RPS17: variants seen among roughly 807,000 people sequenced by gnomAD.
RPS17 encodes ribosomal protein S17.
For synonymous variants in RPS17, 75 were observed against 65.6 expected (o/e 1.14, Z -0.70); for missense variants, 68 against 182.3 (o/e 0.37, Z 3.61).
chr15:82,540,369 G>A (rs2150889055), intron 1 of RPS17, 57 bp downstream of exon 1: 3 of 1,588,014 alleles, frequency 1.9e-6, no homozygotes, highest in South Asian at 2.3e-5. Flanking sequence ...AGGACCGCGG[G>A]AAGCTGCAGA....
chr15:82,539,869 G>A, intron 2 of RPS17, 112 bp downstream of exon 2: 2 of 1,535,462 alleles, frequency 1.3e-6, no homozygotes, highest in Non-Finnish European at 9.0e-7. Context: ...CGGGACACCA[G>A]GGAGTCTCAG....
intron 4 of RPS17, 67 bp downstream of exon 4, chr15:82,538,239 G>T: frequency 6.4e-7 from 1 of 1,571,356 alleles, no homozygotes; most frequent in Non-Finnish European, 8.8e-7. Flanking sequence ...GGTGACCTTG[G>T]ATAATAAGAC....
intron 4 of RPS17, chr15:82,537,120 T>C: frequency 1.7e-6 from 1 of 604,576 alleles, no homozygotes; most frequent in South Asian, 1.9e-5. Context: ...TTACCCAATG[T>C]ACCATGCCAT....
chr15:82,537,267 T>C (rs970403921), intron 4 of RPS17: 13 of 343,724 alleles, frequency 3.8e-5, no homozygotes, highest in Middle Eastern at 1.0e-3. Flanking sequence ...TTTAGCAACA[T>C]CCTTGGCCTC....
chr15:82,537,016 C>T (rs2034251201), intron 4 of RPS17, 135 bp from the exon 5 acceptor site: 1 of 914,780 alleles, frequency 1.1e-6, no homozygotes, highest in East Asian at 2.4e-5. Context: ...CTTTAAGAGC[C>T]AACAGGGTTC....
intron 4 of RPS17, 47 bp downstream of exon 4, chr15:82,538,259 G>C: frequency 1.9e-6 from 3 of 1,606,242 alleles, no homozygotes; most frequent in Non-Finnish European, 2.6e-6. Context: ...CCTACTGATG[G>C]TTTTTGACCA....
chr15:82,539,837 A>G, intron 2 of RPS17, 144 bp downstream of exon 2: 2 of 1,402,816 alleles, frequency 1.4e-6, no homozygotes, highest in Non-Finnish European at 2.0e-6. Flanking sequence ...AATCCTGCAC[A>G]CGCAGAGCTC....
Position 82,540,437 on chromosome 15 carries a change from G to C in RPS17, c.-9C>G. On this transcript the variant is annotated 5_prime_UTR_variant, in exon 1 of 5. Transcript: ENST00000647841. Reference sequence around the variant, plus strand: ...GCCAAAACACCTACCATGTTGGCGGGTCCTTGGTAAAAGAGGAAACAGGAA... The same window carrying C: ...GCCAAAACACCTACCATGTTGGCGGCTCCTTGGTAAAAGAGGAAACAGGAA... 6.3e-7 allele frequency: 1 copy of C among 1,594,132 alleles called. No homozygotes were observed. Among genetic ancestry groups the C allele is most frequent in the Non-Finnish European group, 8.5e-7 (1 of 1,171,610 alleles).
chr15:82,537,175 A>T (rs1229302804), intron 4 of RPS17: 5 of 499,832 alleles, frequency 1.0e-5, no homozygotes, highest in African/African-American at 9.7e-5. Context: ...ACTCTAAAAC[A>T]CCGTTTCTCA....
chr15:82,538,309 A>G lies in RPS17; in HGVS notation c.324T>C (p.Leu108=), dbSNP rs894891018. 26 of 1,613,500 alleles carry G rather than the reference A, an allele frequency of 1.6e-5. No individual in the cohort carries two copies. In the African/African-American group the frequency reaches 3.5e-4, roughly 22 times the overall value. The change falls in exon 4 of 5, where the codon CTT becomes CTC. Residue 108 remains leucine (L), a synonymous_variant. Coordinates refer to ENST00000647841, the MANE Select transcript of RPS17 (RefSeq NM_001021.6). ...TAGGAATCCAGCAAACACTTACCAA[A>G]AGCTTCAGCATTTCCTTAGTGTCAG... ...VDPDTKEMLK[L]LDFGSLSNLQ...
chr15:82,537,443 T>C, intron 4 of RPS17: 1 of 268,902 alleles, frequency 3.7e-6, no homozygotes, highest in Non-Finnish European at 7.2e-6. Flanking sequence ...CTAATCAACA[T>C]TTGTGAAGGG....
intron 4 of RPS17, chr15:82,537,496 G>A: frequency 3.3e-6 from 1 of 305,178 alleles, no homozygotes; most frequent in Non-Finnish European, 6.3e-6. Context: ...GGAGGCAAGA[G>A]CAGACCCTGC....
chr15:82,538,413 A>C, intron 3 of RPS17, 42 bp from the exon 4 acceptor site: 1 of 1,601,764 alleles, frequency 6.2e-7, no homozygotes, highest in East Asian at 2.2e-5. Flanking sequence ...AATCAATGAG[A>C]TTATCACTCA....
intron 1 of RPS17, 77 bp from the exon 2 acceptor site, chr15:82,540,209 G>C (rs1362286692): frequency 1.2e-5 from 19 of 1,612,038 alleles, no homozygotes; most frequent in Non-Finnish European, 1.6e-5. Flanking sequence ...GCCCCGGCCG[G>C]TGTGGTTGGG....
rs1370595651 is a variant in RPS17, at chr15:82,538,348, A to T, written c.285T>A (p.Ile95=). 1 of 1,612,692 alleles carries T rather than the reference A, an allele frequency of 6.2e-7. No individual in the cohort carries two copies. The highest frequency in any genetic ancestry group is 2.2e-5 in the East Asian group (1 of 44,880). The change falls in exon 4 of 5, where the codon ATT becomes ATA. Residue 95 remains isoleucine (I), a synonymous_variant. Coordinates refer to ENST00000647841, the MANE Select transcript of RPS17 (RefSeq NM_001021.6). ...VPEVSALDQE[I]IEVDPDTKEM... ...CCTTAGTGTCAGGATCTACTTCAAT[A>T]ATCTCCTGATCCAAGGCTGAGACCT...
intron 2 of RPS17, chr15:82,539,411 G>C: frequency 6.5e-6 from 3 of 461,216 alleles, no homozygotes; most frequent in Non-Finnish European, 1.3e-5. Flanking sequence ...CATCCAGCCG[G>C]GCGAGGTGGC....
intron 2 of RPS17, chr15:82,539,660 G>A (rs1481207476): frequency 4.5e-6 from 2 of 439,650 alleles, no homozygotes; most frequent in Non-Finnish European, 8.4e-6. Context: ...CTGCACTCTA[G>A]CCTGGGCGCC....
intron 3 of RPS17, 158 bp downstream of exon 3, chr15:82,538,722 G>A (rs2034284291): frequency 2.6e-6 from 2 of 783,194 alleles, no homozygotes; most frequent in Admixed American, 4.0e-5. Flanking sequence ...GCAGAATGGA[G>A]GCTAAGAAAC....
At chr15:82,537,996 C>G (rs2034270303) in intron 4 of RPS17, 1 of 481,316 alleles carries the variant, frequency 2.1e-6, no homozygotes. Context: ...AGAAGAAAAG[C>G]AGGCAGATTC....
Sources: allele counts gnomAD v4.1 joint callset, GRCh38; gene constraint gnomAD v4.1.1; transcripts MANE v1.5; gene names NCBI Gene and HGNC (gene_info 2026-07-23, HGNC 2026-07-21).